The following CD44 variants were observed in gnomAD, a reference collection of about 807,000 sequenced individuals.
CD44 encodes CD44 antigen.
CD44 carries 49 observed loss-of-function variants against 88.8 expected under a neutral mutation model. That is an observed-to-expected ratio of 0.55 (90% CI 0.44 to 0.70). The LOEUF (loss-of-function observed/expected upper bound fraction) is 0.70. Ranked by LOEUF, CD44 falls within the 30% of genes least tolerant of loss-of-function variation. CD44 has a pLI of 0.00. For synonymous variants in CD44, 325 were observed against 312.3 expected (o/e 1.04, Z -0.43); for missense variants, 883 against 913.8 (o/e 0.97, Z 0.43).
intron 3 of CD44, among the ~76,000 whole-genome samples, chr11:35,185,362 A>G (rs1945553923): frequency 2.0e-5 from 3 of 152,198 alleles, no homozygotes; most frequent in Non-Finnish European, 4.4e-5. Flanking sequence ...TAGTTCCACT[A>G]ACTGCCCAAA....
rs1242251454 is a variant in CD44, at chr11:35,186,874, A to G, written c.410A>G (p.Asn137Ser). 6 of 1,605,950 alleles carry G rather than the reference A, an allele frequency of 3.7e-6. 1 individual carries two copies. Among genetic ancestry groups the G allele is most frequent in the Middle Eastern group, 3.3e-4 (2 of 6,046 alleles). The change falls in exon 4 of 18, where the codon AAT becomes AGT. Residue 137 changes from asparagine to serine, a missense_variant. Asn to Ser is a conservative substitution (Grantham distance 46). This residue lies in a region of CD44 where 252 missense variants were observed against 322.9 expected (regional missense o/e 0.78). Transcript: ENST00000428726. ...TGTACATCAGTCACAGACCTGCCCA[A>G]TGCCTTTGATGGACCAATTACCATA... The part of the protein sequence containing the change: ...EDCTSVTDLP[N>S]AFDGPITITI...
At chr11:35,180,245 G>A (rs761195144) in intron 2 of CD44, 29 bp from the exon 3 acceptor site, 1 of 1,612,804 alleles carries the variant, frequency 6.2e-7, no homozygotes, top group Admixed American at 1.7e-5. Context: ...AGCCATTTAG[G>A]TCAATATCCT....
chr11:35,225,234 C>T (rs1190195142), intron 17 of CD44, among the ~76,000 whole-genome samples: 1 of 148,040 alleles, frequency 6.8e-6, no homozygotes, highest in East Asian at 2.0e-4. Flanking sequence ...TAAAACAGTG[C>T]AAAATAAATC....
chr11:35,172,427 T>G (rs1462781690), intron 1 of CD44, among the ~76,000 whole-genome samples: 1 of 152,234 alleles, frequency 6.6e-6, no homozygotes, highest in East Asian at 1.9e-4. Flanking sequence ...TCAGTCAGAT[T>G]TGTGTAAGCT....
At chr11:35,217,267 CTT>C (rs5791042) in intron 15 of CD44, among the ~76,000 whole-genome samples, 16 of 129,118 alleles carry the variant, frequency 1.2e-4, no homozygotes, top group Admixed American at 2.4e-4. Context: ...AGCACTTCTT[CTT>C]TTTTTTTTTT....
intron 9 of CD44, 53 bp from the exon 10 acceptor site, chr11:35,204,459 T>C: frequency 6.3e-7 from 1 of 1,585,060 alleles, no homozygotes. Flanking sequence ...TGTTGACAGC[T>C]ATTGGTGAGG....
chr11:35,183,227 T>C (rs1230903060), intron 3 of CD44, among the ~76,000 whole-genome samples: 2 of 152,188 alleles, frequency 1.3e-5, no homozygotes. Context: ...GGAATATTTA[T>C]TGATCACCTC....
intron 17 of CD44, among the ~76,000 whole-genome samples, chr11:35,227,887 C>T (rs77030418): frequency 0.13 from 19,412 of 152,258 alleles, 1,409 homozygotes; most frequent in Middle Eastern, 0.2. Context: ...TTCTTACTTT[C>T]TGTGTGACCT....
chr11:35,147,879 G>A (rs528657250), intron 1 of CD44, among the ~76,000 whole-genome samples: 21 of 151,960 alleles, frequency 1.4e-4, no homozygotes, highest in African/African-American at 4.3e-4. Context: ...ACCTGAGGTC[G>A]GGAGTTCGAG....
At chr11:35,158,762 G>T (rs1010228188) in intron 1 of CD44, among the ~76,000 whole-genome samples, 1 of 152,214 alleles carries the variant, frequency 6.6e-6, no homozygotes, top group African/African-American at 2.4e-5. Flanking sequence ...GACACTATGT[G>T]CATACAGGCT....
intron 1 of CD44, among the ~76,000 whole-genome samples, chr11:35,148,372 A>C (rs911023236): frequency 5.3e-5 from 8 of 152,222 alleles, no homozygotes; most frequent in African/African-American, 1.9e-4. Flanking sequence ...ATCTGCCTGC[A>C]AGAGGGGGAG....
chr11:35,229,379 C>A lies in CD44; in HGVS notation c.*46C>A, dbSNP rs752120923. 5 of 1,245,648 alleles carry A rather than the reference C, an allele frequency of 4.0e-6. No individual in the cohort carries two copies. Among genetic ancestry groups the A allele is most frequent in the Admixed American group, 1.7e-5 (1 of 57,192 alleles). The allele number at this position is 1,245,648 out of a possible 1,614,324, so 77.2% of individuals were successfully genotyped here. A position where few individuals can be genotyped will look rare whatever the true frequency, so the allele number is the denominator to read the frequency against. On this transcript the variant is annotated 3_prime_UTR_variant, in exon 18 of 18. Coordinates refer to ENST00000428726, the MANE Select transcript of CD44 (RefSeq NM_000610.4). ...AAAGAAACAACCGTTGGAAACATAA[C>A]CATTACAGGGAGCTGGGACACTTAA...
chr11:35,217,409 C>T (rs1340798810), intron 15 of CD44, among the ~76,000 whole-genome samples: 6 of 150,674 alleles, frequency 4.0e-5, no homozygotes, highest in African/African-American at 7.3e-5. Context: ...GGAGTTTTCA[C>T]GGCCAAAGAT....
intron 9 of CD44, 98 bp downstream of exon 9, chr11:35,201,885 A>G (rs758484508): frequency 1.5e-5 from 18 of 1,228,360 alleles, no homozygotes; most frequent in Non-Finnish European, 2.0e-5. Context: ...CGCATCTTCT[A>G]TTTCCACTCG....
intron 1 of CD44, among the ~76,000 whole-genome samples, chr11:35,167,840 C>T (rs1943463113): frequency 6.6e-6 from 1 of 152,210 alleles, no homozygotes; most frequent in Admixed American, 6.5e-5. Context: ...CTGGAGTCCT[C>T]TCCTAAGAGC....
At chr11:35,199,715 G>C (rs1459402821) in intron 7 of CD44, among the ~76,000 whole-genome samples, 1 of 151,904 alleles carries the variant, frequency 6.6e-6, no homozygotes, top group Non-Finnish European at 1.5e-5. Flanking sequence ...AATTCCTTTT[G>C]GTAACTTCAG....
chr11:35,196,668 G>A (rs1280333771), intron 5 of CD44, 78 bp from the exon 6 acceptor site: 37 of 1,451,308 alleles, frequency 2.5e-5, no homozygotes, highest in Non-Finnish European at 3.2e-5. Context: ...TAGTAAAAGA[G>A]TACAAGCATA....
At chr11:35,163,713 A>T (rs1261596436) in intron 1 of CD44, among the ~76,000 whole-genome samples, 1 of 152,088 alleles carries the variant, frequency 6.6e-6, no homozygotes. Context: ...AAAAGTAGTA[A>T]TCAGCTCCCT....
intron 1 of CD44, among the ~76,000 whole-genome samples, chr11:35,168,128 G>A (rs1175966392): frequency 6.6e-6 from 1 of 152,158 alleles, no homozygotes; most frequent in Non-Finnish European, 1.5e-5. Flanking sequence ...CCAGAATCAA[G>A]GGACTTCTGA....
Sources: gnomAD v4.1 joint callset for allele counts (sites outside exome capture counted in the v4.1 genomes callset) on GRCh38, gnomAD v4.1.1 for gene constraint, gnomAD v4.1.1 regional missense constraint, MANE v1.5 for transcripts, NCBI Gene and HGNC (gene_info 2026-07-23, HGNC 2026-07-21) for gene names.